The following CDH4 variants were observed in gnomAD, a reference collection of about 807,000 sequenced individuals.
The protein encoded by CDH4 is cadherin 4, also known as cadherin-4.
CDH4 carries 33 observed loss-of-function variants against 86.0 expected under a neutral mutation model. The ratio of observed to expected loss-of-function variants is 0.38; its 90% CI spans 0.29 to 0.51. The LOEUF is 0.51. Among genes scored for constraint, CDH4 ranks in the 20% least tolerant of loss-of-function variants. The pLI, the probability that CDH4 is intolerant of heterozygous loss-of-function variation, is 0.86. For missense variants in CDH4, 1,114 were observed against 1,307.4 expected, an observed-to-expected ratio of 0.85 and a Z score of 2.28; for synonymous variants, 555 against 549.4, an observed-to-expected ratio of 1.01 and a Z score of -0.14.
At chr20:61,771,477 A>G (rs934764800) in intron 3 of CDH4, among the ~76,000 whole-genome samples, 8 of 152,168 alleles carry the variant, frequency 5.3e-5, no homozygotes, top group African/African-American at 1.9e-4. Flanking sequence ...TACAAAAATT[A>G]GCCAGATGTG....
intron 2 of CDH4, among the ~76,000 whole-genome samples, chr20:61,619,321 C>T (rs1461710855): frequency 6.6e-6 from 1 of 152,228 alleles, no homozygotes; most frequent in Non-Finnish European, 1.5e-5. Context: ...CACCTCTGTG[C>T]TTCCTGCTAT....
chr20:61,335,012 A>G (rs1456762747), intron 2 of CDH4, among the ~76,000 whole-genome samples: 2 of 152,258 alleles, frequency 1.3e-5, no homozygotes, highest in East Asian at 3.9e-4. Context: ...CTTAATAAGC[A>G]TGATGACAGC....
intron 2 of CDH4, among the ~76,000 whole-genome samples, chr20:61,280,839 C>T (rs965771149): frequency 1.6e-4 from 24 of 152,138 alleles, no homozygotes; most frequent in Admixed American, 1.3e-4. Flanking sequence ...TAACAGCTCT[C>T]ACCTCGCTAC....
At chr20:61,888,577 C>T (rs1048968067) in intron 7 of CDH4, among the ~76,000 whole-genome samples, 1 of 152,244 alleles carries the variant, frequency 6.6e-6, no homozygotes, top group South Asian at 2.1e-4. Context: ...TCAGGCCCAG[C>T]GAATGTCTGG....
At chr20:61,929,564 C>A in intron 12 of CDH4, 45 bp from the exon 13 acceptor site, 2 of 1,474,962 alleles carry the variant, frequency 1.4e-6, no homozygotes, top group Non-Finnish European at 1.9e-6. Context: ...TGCTTGGAAG[C>A]GAGGGCCGGG....
chr20:61,284,943 A>G (rs915931927), intron 2 of CDH4, among the ~76,000 whole-genome samples: 2 of 152,206 alleles, frequency 1.3e-5, no homozygotes, highest in Non-Finnish European at 2.9e-5. Context: ...TTTATTTACA[A>G]CAGGCTGCAG....
At chr20:61,911,192 T>C (rs1399345988) in intron 9 of CDH4, among the ~76,000 whole-genome samples, 2 of 152,334 alleles carry the variant, frequency 1.3e-5, no homozygotes, top group East Asian at 3.9e-4. Context: ...GATTTTGTCT[T>C]TTTGGTCGTG....
intron 3 of CDH4, among the ~76,000 whole-genome samples, chr20:61,765,941 G>C (rs1363776191): frequency 2.0e-5 from 3 of 152,056 alleles, no homozygotes; most frequent in Non-Finnish European, 2.9e-5. Flanking sequence ...GCCGGACTCT[G>C]ATTGGCCAGC....
At chr20:61,882,429 C>T (rs575338340) in intron 7 of CDH4, among the ~76,000 whole-genome samples, 5 of 152,246 alleles carry the variant, frequency 3.3e-5, no homozygotes, top group Non-Finnish European at 7.3e-5. Flanking sequence ...TGTTTTAACT[C>T]GGTCAACATC....
At chr20:61,299,219 C>G (rs111581112) in intron 2 of CDH4, among the ~76,000 whole-genome samples, 1 of 152,094 alleles carries the variant, frequency 6.6e-6, no homozygotes, top group Non-Finnish European at 1.5e-5. Context: ...GGGAGAACCT[C>G]GCTTATTCGT....
chr20:61,295,518 G>A (rs976357486), intron 2 of CDH4, among the ~76,000 whole-genome samples: 6 of 152,196 alleles, frequency 3.9e-5, no homozygotes, highest in Non-Finnish European at 8.8e-5. Flanking sequence ...CAGTAGCAAT[G>A]GCCGCAAACT....
At chr20:61,606,781 C>T (rs2086649063) in intron 2 of CDH4, among the ~76,000 whole-genome samples, 1 of 152,236 alleles carries the variant, frequency 6.6e-6, no homozygotes, top group South Asian at 2.1e-4. Context: ...GGAAACAAAG[C>T]AAATTTCTAA....
intron 2 of CDH4, among the ~76,000 whole-genome samples, chr20:61,514,437 A>G (rs1192728139): frequency 6.6e-6 from 1 of 150,822 alleles, no homozygotes; most frequent in East Asian, 2.0e-4. Context: ...TTGGGTTTCC[A>G]TAGGGAACGA....
At chr20:61,601,791 A>G (rs1288617334) in intron 2 of CDH4, among the ~76,000 whole-genome samples, 1 of 152,220 alleles carries the variant, frequency 6.6e-6, no homozygotes, top group Non-Finnish European at 1.5e-5. Context: ...GTTTAGGCCA[A>G]GCTCAGTCCA....
At chr20:61,621,056 T>C (rs1600813944) in intron 2 of CDH4, among the ~76,000 whole-genome samples, 2 of 152,262 alleles carry the variant, frequency 1.3e-5, no homozygotes, top group East Asian at 3.8e-4. Flanking sequence ...TGTTTCTGTT[T>C]TCCAACCACA....
rs2087520068 is a variant in CDH4 at position 61,681,988 on chromosome 20, G to T, written c.170-61575G>T. ...GCAGAAGGAAGCCCAGTGGGTTTCA[G>T]CTGCTAGTGGAGAACCTATGGCTTC... On this transcript the variant is annotated intron_variant, in intron 2 of 15. Coordinates refer to ENST00000614565, the MANE Select transcript of CDH4 (RefSeq NM_001794.5). This position sits in a 1 kb window ranked among gnomAD's most constrained non-coding sequence, Gnocchi z 4.5. 6.6e-6 allele frequency among the ~76,000 whole-genome samples: 1 copy of T among 152,368 alleles called. No individual in the cohort carries two copies. The highest frequency in any genetic ancestry group is 2.4e-5 in the African/African-American group (1 of 41,596).
chr20:61,799,497 G>C (rs1244965225), intron 4 of CDH4, among the ~76,000 whole-genome samples: 1 of 152,216 alleles, frequency 6.6e-6, no homozygotes, highest in Admixed American at 6.5e-5. Context: ...TGTGCCCAGA[G>C]CCTGGGCCTG....
intron 2 of CDH4, among the ~76,000 whole-genome samples, chr20:61,643,935 C>T (rs1320388352): frequency 2.6e-5 from 4 of 152,214 alleles, no homozygotes; most frequent in Non-Finnish European, 5.9e-5. Flanking sequence ...GGAAGACTTT[C>T]TGGGAGAATT....
intron 4 of CDH4, among the ~76,000 whole-genome samples, chr20:61,803,542 G>A (rs1288448192): frequency 1.3e-5 from 2 of 152,340 alleles, no homozygotes; most frequent in Non-Finnish European, 2.9e-5. Flanking sequence ...ATCCTCCAGC[G>A]AATGGAATCC....
Sources: gnomAD v4.1 joint callset for allele counts (sites outside exome capture counted in the v4.1 genomes callset) on GRCh38, gnomAD v4.1.1 for gene constraint, Gnocchi (gnomAD v3.1) non-coding constraint, MANE v1.5 for transcripts, NCBI Gene and HGNC (gene_info 2026-07-23, HGNC 2026-07-21) for gene names.